SP100: variants seen among roughly 807,000 people sequenced by gnomAD.
SP100 encodes the protein SP100 nuclear body protein, also known as nuclear autoantigen Sp-100.
In SP100, 84 loss-of-function variants were observed where a neutral mutation model predicts 130.0. That is an observed-to-expected ratio of 0.65 (90% CI 0.54 to 0.77). The LOEUF (loss-of-function observed/expected upper bound fraction) is 0.77, where lower values mean the gene tolerates loss of function less well. SP100 is among the 30% of genes least tolerant of loss of function. The probability of loss-of-function intolerance (pLI) is 0.00; values close to 1 mark genes in which losing one functional copy is unlikely to be tolerated. For missense variants in SP100, 978 were observed against 1,052.2 expected, an observed-to-expected ratio of 0.93 and a Z score of 0.97; for synonymous variants, 331 against 351.7, an observed-to-expected ratio of 0.94 and a Z score of 0.66.
intron 8 of SP100, among the ~76,000 whole-genome samples, chr2:230,453,973 A>G (rs1246518897): frequency 3.3e-5 from 5 of 152,052 alleles, no homozygotes; most frequent in Non-Finnish European, 5.9e-5. Context: ...AATCTTACTC[A>G]TTATTGGTCT....
At chr2:230,461,944 G>C (rs2064668758) in intron 9 of SP100, among the ~76,000 whole-genome samples, 1 of 148,888 alleles carries the variant, frequency 6.7e-6, no homozygotes, top group South Asian at 2.1e-4. Flanking sequence ...GCAAGACTCT[G>C]TCTCAAAAAA....
chr2:230,544,358 C>T lies in SP100; in HGVS notation c.*1412C>T, dbSNP rs1378196220. Among the ~76,000 whole-genome samples, 3 of 152,274 alleles carry T rather than the reference C, an allele frequency of 2.0e-5. No homozygotes were observed. The highest frequency in any genetic ancestry group is 7.2e-5 in the African/African-American group (3 of 41,568). On this transcript the variant is annotated 3_prime_UTR_variant, in exon 29 of 29. Transcript: ENST00000340126. Reference sequence around the variant, plus strand: ...ATCAACAGAGTAAACAGACAACCTACAAAATGGGAGAAAATATTTGCACAC... The same window carrying T: ...ATCAACAGAGTAAACAGACAACCTATAAAATGGGAGAAAATATTTGCACAC...
At chr2:230,470,698 T>A (rs2065224534) in intron 15 of SP100, among the ~76,000 whole-genome samples, 1 of 152,090 alleles carries the variant, frequency 6.6e-6, no homozygotes, top group African/African-American at 2.4e-5. Flanking sequence ...TACAGAAGTA[T>A]TAGGGCCAAA....
At chr2:230,516,628 T>C (rs1213650358) in intron 24 of SP100, 2 of 152,224 alleles carry the variant, frequency 1.3e-5, no homozygotes, top group Non-Finnish European at 2.9e-5. Flanking sequence ...CTAGTCTAAC[T>C]ATATGATCTC....
At chr2:230,499,010 T>A (rs1328865081) in intron 19 of SP100, among the ~76,000 whole-genome samples, 6 of 152,124 alleles carry the variant, frequency 3.9e-5, no homozygotes, top group African/African-American at 1.4e-4. Flanking sequence ...CAGCTTCCCA[T>A]GTGGCTTCTC....
Position 230,474,393 on chromosome 2 carries a change from G to C in SP100, c.1547-1G>C, listed in dbSNP as rs1168738270. On this transcript the variant is annotated splice_acceptor_variant, in intron 16 of 28. Transcript: ENST00000340126. LOFTEE classifies it high-confidence loss of function. ...TCTGACCACTACCTGTCACTTTCTA[G>C]ATACCATGGATGTTGAAAACAATTC... 1.3e-6 allele frequency: 2 copies of C among 1,518,636 alleles called. No individual in the cohort carries two copies. The highest frequency in any genetic ancestry group is 1.8e-6 in the Non-Finnish European group (2 of 1,102,042). The allele number at this position is 1,518,636 out of a possible 1,614,324, so 94.1% of individuals were successfully genotyped here.
At chr2:230,538,366 A>G (rs1324620322) in intron 24 of SP100, 3 of 152,198 alleles carry the variant, frequency 2.0e-5, no homozygotes, top group African/African-American at 7.2e-5. Flanking sequence ...ACCTTGACCC[A>G]GCAGCCTAAA....
intron 18 of SP100, among the ~76,000 whole-genome samples, chr2:230,495,794 T>C (rs1429250819): frequency 6.6e-6 from 1 of 152,248 alleles, no homozygotes; most frequent in African/African-American, 2.4e-5. Flanking sequence ...TTTCTTTATT[T>C]ATTTTTGCAT....
intron 8 of SP100, among the ~76,000 whole-genome samples, chr2:230,458,750 G>A (rs147189724): frequency 4.6e-5 from 7 of 152,200 alleles, no homozygotes; most frequent in East Asian, 1.9e-4. Flanking sequence ...GAGACCTTTC[G>A]TAATGATGGG....
rs190870430 is a variant in SP100, at chr2:230,446,222, C to G, written c.440-597C>G. Among the ~76,000 whole-genome samples the G allele has an allele frequency of 3.9e-5, 6 of 152,210 alleles. No homozygotes were observed. The East Asian group carries it at 7.7e-4, about 20-fold the overall frequency. ...CTCCTGGGCTCTAGTGATCCTCCCC[C>G]CTCAGCCTCTTGAGTAGCTGGGACC... On this transcript the variant is annotated intron_variant, in intron 4 of 28. Coordinates refer to ENST00000340126, the MANE Select transcript of SP100 (RefSeq NM_001080391.2).
intron 24 of SP100, chr2:230,520,622 A>G (rs1015588270): frequency 2.0e-5 from 3 of 152,226 alleles, no homozygotes; most frequent in African/African-American, 7.2e-5. Context: ...TCGTCCAGGG[A>G]GGTCACTCCA....
chr2:230,531,608 C>CT lies in SP100; in HGVS notation c.2095-7651dup, dbSNP rs920782025. 5.3e-5 allele frequency among the ~76,000 whole-genome samples: 8 copies of CT among 152,016 alleles called. No homozygotes were observed. The South Asian group carries it at 8.3e-4, about 16-fold the overall frequency. On this transcript the variant is annotated intron_variant, in intron 24 of 28. Coordinates refer to ENST00000340126, the MANE Select transcript of SP100 (RefSeq NM_001080391.2). Reference sequence around the variant, plus strand: ...GAAATACATTGGCAGTTTGGCATTTCTTTTTTTTAATATAATTAAGCATGA... The same window carrying CT: ...GAAATACATTGGCAGTTTGGCATTTCTTTTTTTTTAATATAATTAAGCATGA...
chr2:230,533,467 G>A (rs900718940), intron 24 of SP100, among the ~76,000 whole-genome samples: 1 of 152,196 alleles, frequency 6.6e-6, no homozygotes, highest in South Asian at 2.1e-4. Context: ...ACTTTCTGCA[G>A]CATAAATGTC....
intron 4 of SP100, among the ~76,000 whole-genome samples, chr2:230,446,481 G>T (rs1233264182): frequency 6.6e-6 from 1 of 152,212 alleles, no homozygotes; most frequent in Non-Finnish European, 1.5e-5. Flanking sequence ...TCTAGGACTT[G>T]AGACCTTCTC....
chr2:230,496,518 A>G (rs181906900), intron 18 of SP100, among the ~76,000 whole-genome samples: 9 of 152,140 alleles, frequency 5.9e-5, no homozygotes, highest in Admixed American at 1.3e-4. Flanking sequence ...TCCTCATACT[A>G]TATAGGTTGG....
intron 8 of SP100, among the ~76,000 whole-genome samples, chr2:230,450,695 T>C (rs914218743): frequency 6.6e-6 from 1 of 152,226 alleles, no homozygotes; most frequent in Non-Finnish European, 1.5e-5. Context: ...TCATCTTTTT[T>C]ACACTCTACA....
intron 2 of SP100, among the ~76,000 whole-genome samples, chr2:230,427,196 C>T (rs1288690161): frequency 6.6e-6 from 1 of 152,044 alleles, no homozygotes; most frequent in Admixed American, 6.6e-5. Flanking sequence ...GAGTCTCACT[C>T]TGTCACCCAG....
intron 2 of SP100, among the ~76,000 whole-genome samples, chr2:230,430,213 C>T (rs1291101414): frequency 6.6e-6 from 1 of 152,166 alleles, no homozygotes; most frequent in African/African-American, 2.4e-5. Context: ...CCAGCTGGGT[C>T]AGATCATTGC....
intron 24 of SP100, among the ~76,000 whole-genome samples, chr2:230,516,779 C>T (rs1210773083): frequency 6.6e-6 from 1 of 152,032 alleles, no homozygotes; most frequent in Non-Finnish European, 1.5e-5. Context: ...CTTAGAATAG[C>T]CATGGTTAAA....
Sources: gnomAD v4.1 joint callset for allele counts (sites outside exome capture counted in the v4.1 genomes callset) on GRCh38, gnomAD v4.1.1 for gene constraint, MANE v1.5 for transcripts, NCBI Gene and HGNC (gene_info 2026-07-23, HGNC 2026-07-21) for gene names.